The following FOXN3 variants were observed in gnomAD, a reference collection of about 807,000 sequenced individuals.
The protein encoded by FOXN3 is forkhead box N3, also known as forkhead box protein N3.
FOXN3 carries 7 observed loss-of-function variants against 38.4 expected under a neutral mutation model. The observed-to-expected ratio is 0.18, with a 90% CI of 0.10 to 0.34. The LOEUF (loss-of-function observed/expected upper bound fraction) is 0.34, where lower values mean the gene tolerates loss of function less well. Ranked by LOEUF, FOXN3 falls within the 10% of genes least tolerant of loss-of-function variation. FOXN3 has a pLI of 1.00. For missense variants in FOXN3, 456 were observed against 613.4 expected, an observed-to-expected ratio of 0.74 and a Z score of 2.71; for synonymous variants, 230 against 242.2, an observed-to-expected ratio of 0.95 and a Z score of 0.47.
At position 89,312,414 on chromosome 14, in the gene FOXN3, C is replaced by CA. The variant is rs200382579; in HGVS notation, c.681-31401dup. Among the ~76,000 whole-genome samples, 181 of 149,630 alleles carry CA rather than the reference C, an allele frequency of 1.2e-3. 1 individual carries two copies. The highest frequency in any genetic ancestry group is 3.4e-3 in the South Asian group (16 of 4,716). On this transcript the variant is annotated intron_variant, in intron 3 of 5. Coordinates refer to ENST00000557258, the MANE Select transcript of FOXN3 (RefSeq NM_005197.4). ...ATTGTAAAAGTAAGGAAAATCAAGC[C>CA]AAAAAAAAATCTCTATCAATTGGAT... is the stretch of plus-strand genomic sequence containing the variant.
chr14:89,262,346 C>T (rs1221920284), intron 4 of FOXN3, among the ~76,000 whole-genome samples: 1 of 152,234 alleles, frequency 6.6e-6, no homozygotes, highest in African/African-American at 2.4e-5. Context: ...CCTGCACACA[C>T]ACAAATATGC....
chr14:89,540,320 TC>T (rs1180894945), intron 1 of FOXN3, among the ~76,000 whole-genome samples: 1 of 152,176 alleles, frequency 6.6e-6, no homozygotes, highest in East Asian at 1.9e-4. Context: ...TTTACCACTG[TC>T]CTCTAAAAGG....
At chr14:89,232,278 T>C (rs1256997626) in intron 4 of FOXN3, among the ~76,000 whole-genome samples, 1 of 152,240 alleles carries the variant, frequency 6.6e-6, no homozygotes, top group Non-Finnish European at 1.5e-5. Context: ...CTGAAACTTA[T>C]TTAATATTCT....
Position 89,403,945 on chromosome 14 carries a change from T to G in FOXN3, c.543+7989A>C, listed in dbSNP as rs1487040599. 2.0e-5 allele frequency among the ~76,000 whole-genome samples: 3 copies of G among 151,864 alleles called. 1 individual carries two copies. Among genetic ancestry groups the G allele is most frequent in the Non-Finnish European group, 4.4e-5 (3 of 67,930 alleles). The stretch of plus-strand genomic sequence containing the variant: ...ATACAAAGGGCATACAGCAGTGGAG[T>G]AAGAGCTTCTGCTAGAGAAGTTCCA... On this transcript the variant is annotated intron_variant, in intron 2 of 5. Transcript: ENST00000557258.
chr14:89,187,648 G>A (rs377365494), intron 4 of FOXN3, among the ~76,000 whole-genome samples: 22 of 152,268 alleles, frequency 1.4e-4, no homozygotes, highest in African/African-American at 4.8e-4. Context: ...GGCAAATAAC[G>A]TTATGCAATA....
intron 1 of FOXN3, among the ~76,000 whole-genome samples, chr14:89,501,551 C>T (rs1316520652): frequency 6.6e-6 from 1 of 152,144 alleles, no homozygotes; most frequent in Non-Finnish European, 1.5e-5. Context: ...GGGCTTGCTC[C>T]TTCATTTTAA....
chr14:89,458,315 C>G (rs1404293296), intron 1 of FOXN3, among the ~76,000 whole-genome samples: 2 of 152,222 alleles, frequency 1.3e-5, no homozygotes, highest in Non-Finnish European at 2.9e-5. Context: ...CTCGGCTCCC[C>G]TTGCCTTATC....
intron 2 of FOXN3, among the ~76,000 whole-genome samples, chr14:89,360,630 G>T (rs1440133816): frequency 4.0e-5 from 6 of 151,232 alleles, no homozygotes; most frequent in African/African-American, 1.2e-4. Context: ...AGGAAGGAAG[G>T]CTGGGGCAAG....
chr14:89,270,546 T>C (rs1029887918), intron 4 of FOXN3, among the ~76,000 whole-genome samples: 4 of 152,198 alleles, frequency 2.6e-5, no homozygotes, highest in Admixed American at 2.6e-4. Context: ...CTCAAACTCA[T>C]TGGATGAGTT....
chr14:89,490,976 A>G (rs1481361515), intron 1 of FOXN3, among the ~76,000 whole-genome samples: 4 of 151,860 alleles, frequency 2.6e-5, no homozygotes, highest in African/African-American at 9.7e-5. Context: ...ACTCCTAATC[A>G]TTTTTGTTTT....
chr14:89,363,945 AAAATATATATATATAT>A (rs1441286478), intron 2 of FOXN3, among the ~76,000 whole-genome samples: 1 of 64,518 alleles, frequency 1.5e-5, no homozygotes, highest in Non-Finnish European at 2.7e-5. Flanking sequence ...CCCTGTCTGT[AAAATATATATATATAT>A]ATATATATAT....
At chr14:89,245,372 C>T (rs1027015764) in intron 4 of FOXN3, among the ~76,000 whole-genome samples, 2 of 151,938 alleles carry the variant, frequency 1.3e-5, no homozygotes, top group African/African-American at 4.8e-5. Flanking sequence ...CACAAAACAC[C>T]CAAGAGTAAG....
intron 1 of FOXN3, among the ~76,000 whole-genome samples, chr14:89,515,507 C>CTTGAA: frequency 4.6e-5 from 7 of 152,078 alleles, no homozygotes; most frequent in African/African-American, 1.7e-4. Context: ...GGGTGGATCA[C>CTTGAA]CCGAGGTCAG....
chr14:89,350,732 G>T lies in FOXN3; in HGVS notation c.620C>A (p.Pro207His), dbSNP rs1229429479. ...QNLIQALKKTPYHPHPHVFNT... is the reference protein window; with the variant it reads ...QNLIQALKKTHYHPHPHVFNT... ...GAACACGTGTGGGTGTGGGTGATAA[G>T]GTGTCTTTTTCAAAGCCTGAATTAG... Residue 207 changes from proline (P) to histidine (H), a missense_variant, in exon 3 of 6, where the codon CCT (proline) becomes CAT (histidine). Transcript: ENST00000557258. 6.2e-7 allele frequency: 1 copy of T among 1,604,288 alleles called. No individual in the cohort carries two copies. The highest frequency in any genetic ancestry group is 8.5e-7 in the Non-Finnish European group (1 of 1,176,392).
chr14:89,503,480 T>C (rs986339125), intron 1 of FOXN3, among the ~76,000 whole-genome samples: 4 of 152,246 alleles, frequency 2.6e-5, no homozygotes, highest in African/African-American at 7.2e-5. Context: ...ATGAAGCACA[T>C]TGGAAGACAT....
At chr14:89,491,480 A>G (rs1893573992) in intron 1 of FOXN3, among the ~76,000 whole-genome samples, 1 of 152,198 alleles carries the variant, frequency 6.6e-6, no homozygotes, top group African/African-American at 2.4e-5. Flanking sequence ...GCAAATGCCT[A>G]TGTGCTTTCA....
intron 1 of FOXN3, among the ~76,000 whole-genome samples, chr14:89,520,156 G>A (rs1894290542): frequency 6.7e-6 from 1 of 150,358 alleles, no homozygotes. Flanking sequence ...TGGGACTACC[G>A]CCGTGTACCT....
chr14:89,241,889 GAGC>G (rs1416537429), intron 4 of FOXN3, among the ~76,000 whole-genome samples: 5 of 152,170 alleles, frequency 3.3e-5, no homozygotes, highest in Non-Finnish European at 7.3e-5. Context: ...CTTCCCCTCG[GAGC>G]TCTGCCTCTC....
chr14:89,426,215 ATTTTT>A (rs33964198), intron 1 of FOXN3, among the ~76,000 whole-genome samples: 7 of 77,558 alleles, frequency 9.0e-5, no homozygotes, highest in African/African-American at 2.2e-4. Context: ...AGGAGTACTG[ATTTTT>A]TTTTTTTTTT....
Sources: allele counts gnomAD v4.1 joint callset (sites outside exome capture counted in the v4.1 genomes callset), GRCh38; gene constraint gnomAD v4.1.1; transcripts MANE v1.5; gene names NCBI Gene and HGNC (gene_info 2026-07-23, HGNC 2026-07-21).